Variants in RGS7BP observed in about 807,000 individuals in gnomAD.
The protein encoded by RGS7BP is regulator of G protein signaling 7 binding protein.
In RGS7BP, 9 loss-of-function variants were observed where a neutral mutation model predicts 31.3. The observed-to-expected ratio is 0.29, with a 90% confidence interval of 0.17 to 0.50. The LOEUF is 0.50. Ranked by LOEUF, RGS7BP falls within the 20% of genes least tolerant of loss-of-function variation. RGS7BP has a pLI of 0.98. For missense variants in RGS7BP, 274 were observed against 322.0 expected, an observed-to-expected ratio of 0.85 and a Z score of 1.14; for synonymous variants, 115 against 120.1, an observed-to-expected ratio of 0.96 and a Z score of 0.28.
At chr5:64,569,492 T>A (rs1471800853) in intron 2 of RGS7BP, among the ~76,000 whole-genome samples, 2 of 152,094 alleles carry the variant, frequency 1.3e-5, no homozygotes, top group Non-Finnish European at 2.9e-5. Context: ...TATGAAATAG[T>A]GTAGTTGTTC....
chr5:64,576,974 C>T (rs901341112), intron 3 of RGS7BP, among the ~76,000 whole-genome samples: 1 of 152,072 alleles, frequency 6.6e-6, no homozygotes, highest in African/African-American at 2.4e-5. Flanking sequence ...TAGAAAAGGC[C>T]AGAGAACTTA....
chr5:64,546,306 T>C (rs9291813), intron 2 of RGS7BP, among the ~76,000 whole-genome samples: 121,240 of 151,972 alleles, frequency 0.8, 48,812 homozygotes, highest in African/African-American at 0.89. Flanking sequence ...ACCCTGAAGA[T>C]CACCAAGATT....
At chr5:64,545,105 A>G (rs1382657957) in intron 2 of RGS7BP, among the ~76,000 whole-genome samples, 1 of 151,872 alleles carries the variant, frequency 6.6e-6, no homozygotes, top group East Asian at 1.9e-4. Context: ...GAACCCAGGA[A>G]GAAGAGGTTG....
At chr5:64,586,839 C>A (rs4700062) in intron 3 of RGS7BP, among the ~76,000 whole-genome samples, 52,422 of 152,064 alleles carry the variant, frequency 0.34, 9,313 homozygotes, top group South Asian at 0.4. Context: ...TTGGACTGAA[C>A]TTACCCATAT....
intron 2 of RGS7BP, among the ~76,000 whole-genome samples, chr5:64,531,172 A>G (rs1293400611): frequency 2.0e-5 from 3 of 152,218 alleles, no homozygotes; most frequent in African/African-American, 7.2e-5. Context: ...AATACCATCA[A>G]TAATGGGGAG....
intron 2 of RGS7BP, among the ~76,000 whole-genome samples, chr5:64,518,484 G>A (rs567721573): frequency 6.6e-6 from 1 of 152,250 alleles, no homozygotes; most frequent in South Asian, 2.1e-4. Context: ...TATGCAGCGT[G>A]GGTAGTTATC....
At chr5:64,577,461 G>A (rs1742467000) in intron 3 of RGS7BP, among the ~76,000 whole-genome samples, 1 of 151,918 alleles carries the variant, frequency 6.6e-6, no homozygotes, top group African/African-American at 2.4e-5. Flanking sequence ...AAAAAATCTT[G>A]TGTACACATA....
chr5:64,563,770 CT>C (rs1742107354), intron 2 of RGS7BP, among the ~76,000 whole-genome samples: 1 of 152,110 alleles, frequency 6.6e-6, no homozygotes, highest in South Asian at 2.1e-4. Flanking sequence ...CGATTACTTT[CT>C]TCTAAGTGTG....
At chr5:64,589,869 G>A (rs911486285) in intron 3 of RGS7BP, among the ~76,000 whole-genome samples, 1 of 150,758 alleles carries the variant, frequency 6.6e-6, no homozygotes. Context: ...CAAGGCTGCA[G>A]TGAGCTATTA....
chr5:64,530,000 G>A lies in RGS7BP; in HGVS notation c.332+22123G>A, dbSNP rs114926587. Among the ~76,000 whole-genome samples the A allele has an allele frequency of 4.1e-3, 628 of 152,258 alleles. 5 individuals carry two copies. Among genetic ancestry groups the A allele is most frequent in the African/African-American group, 0.014 (595 of 41,550 alleles). On this transcript the variant is annotated intron_variant, in intron 2 of 5. Transcript: ENST00000334025. The stretch of plus-strand genomic sequence containing the variant: ...CATACCAGGTGACATCAATAAACCA[G>A]GAAAATATGTTTCAACCACATTAAT...
At position 64,510,052 on chromosome 5, in the gene RGS7BP, GA is replaced by G. The variant is rs553342886; in HGVS notation, c.332+2177del. On this transcript the variant is annotated intron_variant, in intron 2 of 5. Transcript: ENST00000334025. ...TGGGTTCTTGTTTCAAGCTTGATGT[GA>G]AGGCTGGTAGGGAGGCTGTAGGAGT... Among the ~76,000 whole-genome samples, 210 of 152,300 alleles carry G rather than the reference GA, an allele frequency of 1.4e-3. 1 individual carries two copies. The highest frequency in any genetic ancestry group is 4.7e-3 in the African/African-American group (196 of 41,566).
intron 5 of RGS7BP, among the ~76,000 whole-genome samples, chr5:64,606,019 T>TAC (rs1324064849): frequency 7.4e-6 from 1 of 135,002 alleles, no homozygotes; most frequent in Non-Finnish European, 1.6e-5. Context: ...TATATCTGGA[T>TAC]ACATATATAT....
chr5:64,581,271 C>A (rs1036499833), intron 3 of RGS7BP, among the ~76,000 whole-genome samples: 10 of 152,136 alleles, frequency 6.6e-5, no homozygotes, highest in African/African-American at 2.2e-4. Context: ...AAACTCTTTT[C>A]CCTCTGTGTG....
chr5:64,604,126 CTGGACTG>C (rs1274474494), intron 5 of RGS7BP, among the ~76,000 whole-genome samples: 1 of 152,106 alleles, frequency 6.6e-6, no homozygotes, highest in Non-Finnish European at 1.5e-5. Flanking sequence ...TCCAGCCAGA[CTGGACTG>C]TTCACTTGGA....
intron 2 of RGS7BP, among the ~76,000 whole-genome samples, chr5:64,556,393 A>G (rs1171882995): frequency 6.8e-6 from 1 of 147,770 alleles, no homozygotes; most frequent in Admixed American, 6.8e-5. Context: ...TAAGTAAAAA[A>G]AAAAAAAAAG....
chr5:64,529,045 A>G (rs1325374610), intron 2 of RGS7BP, among the ~76,000 whole-genome samples: 1 of 152,186 alleles, frequency 6.6e-6, no homozygotes, highest in Non-Finnish European at 1.5e-5. Flanking sequence ...ATTCAGAAAA[A>G]GAGAATTATA....
At chr5:64,523,599 T>A (rs868835928) in intron 2 of RGS7BP, among the ~76,000 whole-genome samples, 1 of 152,358 alleles carries the variant, frequency 6.6e-6, no homozygotes, top group South Asian at 2.1e-4. Context: ...TCACCTTCTT[T>A]CTTTGCTGCT....
intron 4 of RGS7BP, among the ~76,000 whole-genome samples, chr5:64,595,634 C>T (rs1287974852): frequency 2.0e-5 from 3 of 152,132 alleles, no homozygotes; most frequent in Non-Finnish European, 2.9e-5. Flanking sequence ...TTTGCCTTTA[C>T]ACTGATATCT....
chr5:64,527,859 C>T (rs1749271464), intron 2 of RGS7BP, among the ~76,000 whole-genome samples: 1 of 152,044 alleles, frequency 6.6e-6, no homozygotes, highest in Non-Finnish European at 1.5e-5. Context: ...TTTTTCCTTT[C>T]CTGATGAATG....
Sources: gnomAD v4.1 joint callset for allele counts (sites outside exome capture counted in the v4.1 genomes callset) on GRCh38, gnomAD v4.1.1 for gene constraint, MANE v1.5 for transcripts, NCBI Gene and HGNC (gene_info 2026-07-23, HGNC 2026-07-21) for gene names.